The following TRAK1 variants were observed in gnomAD, a reference collection of about 807,000 sequenced individuals.
TRAK1 encodes trafficking kinesin protein 1.
Under a neutral mutation model 92.1 loss-of-function variants are expected in TRAK1, and 33 were observed. That is an observed-to-expected ratio of 0.36 (90% CI 0.27 to 0.48). TRAK1 has a LOEUF of 0.48. Ranked by LOEUF, TRAK1 falls within the 20% of genes least tolerant of loss-of-function variation. The pLI, the probability that TRAK1 is intolerant of heterozygous loss-of-function variation, is 0.99. For missense variants in TRAK1, 1,123 were observed against 1,257.9 expected (o/e 0.89, Z 1.62); for synonymous variants, 521 against 517.3 (o/e 1.01, Z -0.10).
intron 1 of TRAK1, among the ~76,000 whole-genome samples, chr3:42,072,569 T>TTTTTTTTTTTTTC (rs542400640): frequency 6.8e-6 from 1 of 146,784 alleles, no homozygotes. Flanking sequence ...TTTTTTTCTT[T>TTTTTTTTTTTTTC]CTCTTTTTCT....
At chr3:42,097,217 A>T (rs149103199) in intron 1 of TRAK1, among the ~76,000 whole-genome samples, 25 of 152,364 alleles carry the variant, frequency 1.6e-4, no homozygotes, top group Non-Finnish European at 3.2e-4. Context: ...GATTTAATTA[A>T]TTCCCTATTG....
At chr3:42,201,180 C>A in intron 12 of TRAK1, 126 bp downstream of exon 12, 2 of 1,062,530 alleles carry the variant, frequency 1.9e-6, no homozygotes, top group Non-Finnish European at 2.8e-6. Context: ...CAGACCTGGC[C>A]GGGCGTGGTG....
intron 2 of TRAK1, 111 bp from the exon 3 acceptor site, chr3:42,176,703 C>A (rs1427936044): frequency 1.1e-6 from 1 of 926,526 alleles, no homozygotes; most frequent in Non-Finnish European, 1.8e-6. Flanking sequence ...GAGCCAGTGA[C>A]CCTCTGTGTC....
At chr3:42,073,300 T>A (rs2148940410) in intron 1 of TRAK1, among the ~76,000 whole-genome samples, 1 of 152,340 alleles carries the variant, frequency 6.6e-6, no homozygotes, top group Non-Finnish European at 1.5e-5. Flanking sequence ...CTATAGTTGC[T>A]GCTGTCGGCT....
Position 42,188,031 on chromosome 3 carries a change from C to T in TRAK1, c.481-14C>T. On this transcript the variant is annotated splice_polypyrimidine_tract_variant and intron_variant, in intron 4 of 15. Coordinates refer to ENST00000327628, the MANE Select transcript of TRAK1 (RefSeq NM_001042646.3). ...TTTTGGGAAGCAAATGATGGGCCTG[C>T]TCTGCTTGTGCAGGTGTCTCAGCTC... 1 of 1,612,642 alleles carries T rather than the reference C, an allele frequency of 6.2e-7. No homozygotes were observed. Among genetic ancestry groups the T allele is most frequent in the Non-Finnish European group, 8.5e-7 (1 of 1,179,112 alleles).
intron 2 of TRAK1, among the ~76,000 whole-genome samples, chr3:42,165,672 C>T (rs990879166): frequency 1.3e-5 from 2 of 152,118 alleles, no homozygotes; most frequent in Non-Finnish European, 1.5e-5. Flanking sequence ...CGGCAGCACT[C>T]GAGGGTGCCG....
At chr3:42,193,785 A>G in intron 8 of TRAK1, 39 bp from the exon 9 acceptor site, 7 of 1,607,398 alleles carry the variant, frequency 4.4e-6, no homozygotes, top group Non-Finnish European at 6.0e-6. Context: ...GACTTTTACC[A>G]AGTATCTTAG....
intron 13 of TRAK1, among the ~76,000 whole-genome samples, chr3:42,208,145 TTA>T (rs1422245690): frequency 6.6e-6 from 1 of 152,276 alleles, no homozygotes; most frequent in Admixed American, 6.5e-5. Flanking sequence ...CCCTCTTTCG[TTA>T]TAGTCATTCT....
intron 2 of TRAK1, among the ~76,000 whole-genome samples, chr3:42,173,078 C>T (rs1469808772): frequency 1.3e-5 from 2 of 151,898 alleles, no homozygotes; most frequent in South Asian, 2.1e-4. Context: ...CCAGGGAGGC[C>T]GAGGTTGCAG....
intron 1 of TRAK1, among the ~76,000 whole-genome samples, chr3:42,059,781 A>G (rs943036831): frequency 6.6e-6 from 1 of 152,166 alleles, no homozygotes; most frequent in Non-Finnish European, 1.5e-5. Context: ...GGTAACTTAG[A>G]TTCTTGTTCT....
chr3:42,149,684 G>A (rs1419406417), intron 2 of TRAK1: 8 of 1,507,726 alleles, frequency 5.3e-6, no homozygotes, highest in Non-Finnish European at 7.1e-6. Flanking sequence ...AACCTTTAGG[G>A]GAGACAGGCG....
intron 13 of TRAK1, among the ~76,000 whole-genome samples, chr3:42,204,517 A>G (rs1016719538): frequency 6.6e-6 from 1 of 152,244 alleles, no homozygotes; most frequent in African/African-American, 2.4e-5. Context: ...ACAGTGGCCT[A>G]TAACACAACC....
intron 1 of TRAK1, among the ~76,000 whole-genome samples, chr3:42,077,895 G>A (rs1418557898): frequency 6.6e-6 from 1 of 152,174 alleles, no homozygotes; most frequent in African/African-American, 2.4e-5. Flanking sequence ...TGTCTGTGAA[G>A]AGAGAGAGCG....
At chr3:42,013,798 C>T (rs1701402001), upstream of TRAK1, 1 of 150,062 alleles carries the variant, frequency 6.7e-6, no homozygotes, top group African/African-American at 2.4e-5. This position sits in a 1 kb window ranked among gnomAD's most constrained non-coding sequence, Gnocchi z 5.1. Flanking sequence ...GCGAGGCGTC[C>T]CCCAGAGTGG....
intron 10 of TRAK1, among the ~76,000 whole-genome samples, chr3:42,198,636 AAGGCTTCCCC>A (rs1043172055): frequency 3.3e-5 from 5 of 152,046 alleles, no homozygotes; most frequent in African/African-American, 1.2e-4. Flanking sequence ...GGAGGTGGGA[AAGGCTTCCCC>A]AGGAGCCGAA....
intron 1 of TRAK1, among the ~76,000 whole-genome samples, chr3:42,097,190 C>T (rs952694764): frequency 6.6e-6 from 1 of 152,200 alleles, no homozygotes; most frequent in Non-Finnish European, 1.5e-5. Context: ...TTTTCATTGT[C>T]TATAAATCCC....
chr3:42,196,656 A>G (rs369942723), intron 10 of TRAK1, among the ~76,000 whole-genome samples: 16 of 143,630 alleles, frequency 1.1e-4, no homozygotes, highest in East Asian at 2.0e-4. Flanking sequence ...TCCTGCCTCA[A>G]CCTCCCAAGT....
chr3:42,203,816 T>C (rs1708004472), intron 13 of TRAK1: 1 of 857,010 alleles, frequency 1.2e-6, no homozygotes, highest in Admixed American at 6.2e-5. Flanking sequence ...GTACTATATG[T>C]ATATACATAA....
At chr3:42,147,177 A>T (rs1165512664) in intron 2 of TRAK1, among the ~76,000 whole-genome samples, 1 of 152,172 alleles carries the variant, frequency 6.6e-6, no homozygotes, top group Non-Finnish European at 1.5e-5. Context: ...GTCAGATAGC[A>T]GGGGCAGTTA....
Sources: allele counts gnomAD v4.1 joint callset (sites outside exome capture counted in the v4.1 genomes callset), GRCh38; gene constraint gnomAD v4.1.1; non-coding constraint Gnocchi (gnomAD v3.1); transcripts MANE v1.5; gene names NCBI Gene and HGNC (gene_info 2026-07-23, HGNC 2026-07-21).